The following DHX29 variants were observed in gnomAD, a reference collection of about 807,000 sequenced individuals.
DHX29 encodes ATP-dependent RNA helicase DHX29.
DHX29 carries 79 observed loss-of-function variants against 167.9 expected under a neutral mutation model. That is an observed-to-expected ratio of 0.47 (90% CI 0.39 to 0.57). The LOEUF (loss-of-function observed/expected upper bound fraction) is 0.57. DHX29 is among the 20% of genes least tolerant of loss of function. The probability of loss-of-function intolerance (pLI) is 0.00; values close to 1 mark genes in which losing one functional copy is unlikely to be tolerated. For synonymous variants in DHX29, 530 were observed against 546.0 expected, an observed-to-expected ratio of 0.97 and a Z score of 0.41; for missense variants, 1,347 against 1,593.4, an observed-to-expected ratio of 0.85 and a Z score of 2.63.
At chr5:55,301,509 T>C (rs1459581092) in intron 1 of DHX29, among the ~76,000 whole-genome samples, 1 of 150,590 alleles carries the variant, frequency 6.6e-6, no homozygotes, top group Non-Finnish European at 1.5e-5. Flanking sequence ...AGGTCAGGAG[T>C]TCAAGACCAG....
chr5:55,279,546 T>C (rs989095541), intron 12 of DHX29: 3 of 152,090 alleles, frequency 2.0e-5, no homozygotes, highest in Non-Finnish European at 1.5e-5. Context: ...CTCGCTCTGT[T>C]GACCAGGCTG....
rs1747117607 is a variant in DHX29, at chr5:55,276,390, T to C, written c.2303A>G (p.Asp768Gly). Residue 768 changes from aspartate to glycine, a missense_variant, in exon 14 of 27, where the codon GAT becomes GGT. Asp to Gly is a moderately conservative substitution (Grantham distance 94). Around this residue, in one of 3 missense-constraint regions of DHX29, gnomAD observed 882 missense variants for 1,082.4 expected, o/e 0.81. Transcript: ENST00000251636. ...TACAAAGCCTGTTTCTTCTATTATA[T>C]CTTCAAGATGAAAAACCTGCATAGA... ...SYPVEVFHLE[D>G]IIEETGFVLE... 1 of 1,589,928 alleles carries C rather than the reference T, an allele frequency of 6.3e-7. No homozygotes were observed. The highest frequency in any genetic ancestry group is 8.5e-7 in the Non-Finnish European group (1 of 1,172,954).
chr5:55,260,643 C>T (rs1008608167), intron 25 of DHX29, among the ~76,000 whole-genome samples: 7 of 152,070 alleles, frequency 4.6e-5, no homozygotes, highest in Non-Finnish European at 8.8e-5. Context: ...AAAACATTTC[C>T]ACCACCCCAA....
At chr5:55,283,102 C>T (rs1395517126) in intron 11 of DHX29, 101 bp downstream of exon 11, 2 of 1,300,594 alleles carry the variant, frequency 1.5e-6, no homozygotes, top group Non-Finnish European at 1.0e-6. Flanking sequence ...CAACCAATAG[C>T]AGTGAAAACT....
intron 26 of DHX29, among the ~76,000 whole-genome samples, chr5:55,259,558 G>A (rs956928737): frequency 1.3e-5 from 2 of 152,200 alleles, no homozygotes; most frequent in African/African-American, 4.8e-5. Context: ...TCAGGTTCAA[G>A]TGATTCTTGT....
intron 13 of DHX29, among the ~76,000 whole-genome samples, chr5:55,276,887 C>T (rs1747141791): frequency 6.6e-6 from 1 of 152,028 alleles, no homozygotes; most frequent in Non-Finnish European, 1.5e-5. Context: ...GTTCTTTAGC[C>T]CTCACTGCTG....
At chr5:55,287,566 A>T (rs1173297794) in intron 8 of DHX29, among the ~76,000 whole-genome samples, 2 of 152,226 alleles carry the variant, frequency 1.3e-5, no homozygotes, top group East Asian at 1.9e-4. Context: ...TGCTATATCA[A>T]TAATTAACTC....
chr5:55,301,713 CAAAAAAAAAAAA>C (rs70992777), intron 1 of DHX29, among the ~76,000 whole-genome samples: 17 of 64,742 alleles, frequency 2.6e-4, no homozygotes, highest in African/African-American at 8.9e-4. Context: ...AACTCCATCT[CAAAAAAAAAAAA>C]AAAAAAAAAA....
At chr5:55,273,485 T>C (rs920148606) in intron 16 of DHX29, 108 bp from the exon 17 acceptor site, 72 of 1,278,356 alleles carry the variant, frequency 5.6e-5, no homozygotes, top group Non-Finnish European at 6.8e-5. Flanking sequence ...TTTTTTACTA[T>C]GAAAAAATTT....
rs755477112 is a variant in DHX29 at position 55,267,204 on chromosome 5, ACCT to A, written c.3456_3458del (p.Gly1153del). On this transcript the variant is annotated inframe_deletion, in exon 23 of 27. Coordinates refer to ENST00000251636, the MANE Select transcript of DHX29 (RefSeq NM_019030.4). Reference sequence around the variant, plus strand: ...GGCAGTATGTGATTTCAGAACGATAACCTCCTTCTTGTCGTGCTTTCTTCCATC... The same window carrying A: ...GGCAGTATGTGATTTCAGAACGATAACCTTCTTGTCGTGCTTTCTTCCATC... The A allele has an allele frequency of 6.2e-7, 1 of 1,612,876 alleles. No individual in the cohort carries two copies. The highest frequency in any genetic ancestry group is 1.3e-5 in the African/African-American group (1 of 74,900).
chr5:55,267,851 AT>A (rs1561139421), intron 21 of DHX29, 29 bp from the exon 22 acceptor site: 4 of 1,563,250 alleles, frequency 2.6e-6, no homozygotes, highest in Non-Finnish European at 3.5e-6. Context: ...TGACAAAACA[AT>A]TTATCATTAA....
intron 23 of DHX29, among the ~76,000 whole-genome samples, chr5:55,263,877 AG>A (rs1746428729): frequency 6.6e-6 from 1 of 151,038 alleles, no homozygotes; most frequent in Admixed American, 6.6e-5. Flanking sequence ...CTGTCATCCT[AG>A]CAGTTTTTTT....
Position 55,285,226 on chromosome 5 carries a change from A to G in DHX29, c.1356+67T>C, listed in dbSNP as rs117052428. ...TAATCAGAAGAAACAGTCAATAAAG[A>G]GAAAATTGAACCATAATTAAATACT... On this transcript the variant is annotated intron_variant, in intron 10 of 26. Transcript: ENST00000251636. 3.9e-4 allele frequency: 608 copies of G among 1,571,358 alleles called. 3 individuals carry two copies. The East Asian group carries it at 0.012, about 31-fold the overall frequency.
At chr5:55,281,130 A>C (rs1747387855) in intron 12 of DHX29, among the ~76,000 whole-genome samples, 1 of 151,902 alleles carries the variant, frequency 6.6e-6, no homozygotes, top group South Asian at 2.1e-4. Flanking sequence ...ACACACACAC[A>C]CACGCTATAT....
At chr5:55,304,500 G>T (rs1748764176) in intron 1 of DHX29, among the ~76,000 whole-genome samples, 1 of 151,538 alleles carries the variant, frequency 6.6e-6, no homozygotes. Context: ...TTTTAGTAGA[G>T]ACGGGGTTTC....
chr5:55,300,635 T>C (rs1442226857), intron 1 of DHX29, among the ~76,000 whole-genome samples: 1 of 152,164 alleles, frequency 6.6e-6, no homozygotes, highest in Non-Finnish European at 1.5e-5. Flanking sequence ...ACTGCACCAC[T>C]GCACTCTGGC....
At position 55,273,328 on chromosome 5, in the gene DHX29, C is replaced by T. The variant is rs199529771; in HGVS notation, c.2740G>A (p.Ala914Thr). The stretch of plus-strand genomic sequence containing the variant: ...CCTGGAGGGGGAAGTGTGAATGCTG[C>T]AGCTTGATCTTGGGTTGAAAGAATA... Reference protein sequence around the residue: ...HSILSTQDQAAAFTLPPPGVR... With the variant: ...HSILSTQDQATAFTLPPPGVR... Residue 914 changes from alanine to threonine, a missense_variant, in exon 17 of 27, where the codon GCA (alanine) becomes ACA (threonine). Ala to Thr is a moderately conservative substitution (Grantham distance 58). Transcript: ENST00000251636. The T allele has an allele frequency of 1.5e-4, 238 of 1,596,940 alleles. No individual in the cohort carries two copies. The East Asian group carries it at 5.1e-3, about 34-fold the overall frequency.
Position 55,307,651 on chromosome 5 carries a change from C to T in DHX29, c.-78G>A. On this transcript the variant is annotated 5_prime_UTR_variant, in exon 1 of 27. Transcript: ENST00000251636. Reference sequence around the variant, plus strand: ...GCACAGCCGAGAGCTCTTCACATTCCCCGGCTCCGGGGCTGCCACCCTGCG... The same window carrying T: ...GCACAGCCGAGAGCTCTTCACATTCTCCGGCTCCGGGGCTGCCACCCTGCG... 6 of 1,548,970 alleles carry T rather than the reference C, an allele frequency of 3.9e-6. No homozygotes were observed. Among genetic ancestry groups the T allele is most frequent in the South Asian group, 1.2e-5 (1 of 86,924 alleles).
intron 12 of DHX29, among the ~76,000 whole-genome samples, chr5:55,278,281 C>G (rs1747225557): frequency 6.6e-6 from 1 of 152,152 alleles, no homozygotes; most frequent in Non-Finnish European, 1.5e-5. Flanking sequence ...ATCAAGATAA[C>G]AAAACAGGTT....
Sources: allele counts gnomAD v4.1 joint callset (sites outside exome capture counted in the v4.1 genomes callset), GRCh38; gene constraint gnomAD v4.1.1; regional missense constraint gnomAD v4.1.1; transcripts MANE v1.5; gene names NCBI Gene and HGNC (gene_info 2026-07-23, HGNC 2026-07-21).